RNF38: variants seen among roughly 807,000 people sequenced by gnomAD.
The protein encoded by RNF38 is E3 ubiquitin-protein ligase RNF38.
Under a neutral mutation model 67.2 loss-of-function variants are expected in RNF38, and 15 were observed. The ratio of observed to expected loss-of-function variants is 0.22; its 90% confidence interval spans 0.15 to 0.34. The LOEUF (loss-of-function observed/expected upper bound fraction) is 0.34. Among genes scored for constraint, RNF38 ranks in the 10% least tolerant of loss-of-function variants. The pLI, the probability that RNF38 is intolerant of heterozygous loss-of-function variation, is 1.00. For synonymous variants in RNF38, 220 were observed against 218.8 expected (o/e 1.01, Z -0.05); for missense variants, 524 against 639.9 (o/e 0.82, Z 1.95).
At chr9:36,437,339 A>ATAT (rs943874308) in intron 1 of RNF38, among the ~76,000 whole-genome samples, 1 of 152,226 alleles carries the variant, frequency 6.6e-6, no homozygotes, top group Non-Finnish European at 1.5e-5. Flanking sequence ...CCTAAATATA[A>ATAT]GTAAATCAAC....
At chr9:36,384,781 CA>C (rs1836477459) in intron 2 of RNF38, among the ~76,000 whole-genome samples, 2 of 152,162 alleles carry the variant, frequency 1.3e-5, no homozygotes, top group South Asian at 4.1e-4. Context: ...TGATGTTAGA[CA>C]AAAAGCAAAT....
At chr9:36,468,222 G>C (rs1839910622) in intron 1 of RNF38, among the ~76,000 whole-genome samples, 1 of 148,356 alleles carries the variant, frequency 6.7e-6, no homozygotes, top group Non-Finnish European at 1.5e-5. Context: ...AGCCTGCTGG[G>C]CAGAGCAATG....
At chr9:36,433,573 G>A (rs1354611401) in intron 1 of RNF38, among the ~76,000 whole-genome samples, 1 of 151,662 alleles carries the variant, frequency 6.6e-6, no homozygotes, top group Non-Finnish European at 1.5e-5. Context: ...TGTAATCCTA[G>A]CTACTCCAGA....
At chr9:36,458,213 T>C (rs1564070585) in intron 1 of RNF38, among the ~76,000 whole-genome samples, 1 of 152,188 alleles carries the variant, frequency 6.6e-6, no homozygotes, top group South Asian at 2.1e-4. Flanking sequence ...AGCTAAAGGA[T>C]TGTAAATGCA....
At chr9:36,348,270 G>A (rs1833443678) in intron 9 of RNF38, among the ~76,000 whole-genome samples, 1 of 151,592 alleles carries the variant, frequency 6.6e-6, no homozygotes, top group African/African-American at 2.4e-5. Context: ...ACTTGGACTA[G>A]CCTTGGATGG....
chr9:36,369,083 G>T (rs1835180421), intron 4 of RNF38, among the ~76,000 whole-genome samples: 1 of 152,076 alleles, frequency 6.6e-6, no homozygotes, highest in African/African-American at 2.4e-5. Context: ...AAGCAAAGAT[G>T]TACCCAACTG....
At chr9:36,392,006 G>T (rs1837150976) in intron 1 of RNF38, among the ~76,000 whole-genome samples, 1 of 152,200 alleles carries the variant, frequency 6.6e-6, no homozygotes, top group African/African-American at 2.4e-5. Flanking sequence ...GGCACTAGGT[G>T]CTATGGAGAA....
Position 36,336,529 on chromosome 9 carries a change from A to G in RNF38, c.*3223T>C, listed in dbSNP as rs2133260334. ...CTAGTAACTTTCATAAAAAATGTACAAACTTTGTTAAAAATTTATCAAGCC... is the reference window on the plus strand; with the variant it reads ...CTAGTAACTTTCATAAAAAATGTACGAACTTTGTTAAAAATTTATCAAGCC... On this transcript the variant is annotated 3_prime_UTR_variant, in exon 12 of 12. Coordinates refer to ENST00000259605, the MANE Select transcript of RNF38 (RefSeq NM_022781.5). The G allele has an allele frequency of 6.5e-6, 1 of 152,744 alleles. No individual in the cohort carries two copies. The highest frequency in any genetic ancestry group is 1.5e-5 in the Non-Finnish European group (1 of 68,028). The allele number at this position is 152,744 out of a possible 1,614,324, so 9.5% of individuals were successfully genotyped here. A position where few individuals can be genotyped will look rare whatever the true frequency, so the allele number is the denominator to read the frequency against.
chr9:36,487,179 G>C (rs1840435601), intron 1 of RNF38: 1 of 608,666 alleles, frequency 1.6e-6, no homozygotes, highest in Non-Finnish European at 2.1e-6. Context: ...CTCCGGGGCC[G>C]GACAAAGCTG....
intron 1 of RNF38, among the ~76,000 whole-genome samples, chr9:36,470,682 G>A (rs183359022): frequency 1.3e-5 from 2 of 152,182 alleles, no homozygotes; most frequent in East Asian, 3.9e-4. Flanking sequence ...TATTGTAGCA[G>A]GAATCTGTCA....
chr9:36,361,469 T>C (rs1012686111), intron 4 of RNF38, among the ~76,000 whole-genome samples: 16 of 152,222 alleles, frequency 1.1e-4, no homozygotes, highest in African/African-American at 1.7e-4. Context: ...GGCCAGATTG[T>C]ATAGCCATTT....
chr9:36,395,254 G>C (rs1028994852), intron 1 of RNF38, among the ~76,000 whole-genome samples: 4 of 151,810 alleles, frequency 2.6e-5, no homozygotes, highest in Non-Finnish European at 5.9e-5. Context: ...ACTAAAATTA[G>C]CACTTAGGAC....
In RNF38 at chr9:36,474,737, A is replaced by G. The variant is rs1840083708; in HGVS notation, n.241+12571T>C. Among the ~76,000 whole-genome samples, 3 of 148,574 alleles carry G rather than the reference A, an allele frequency of 2.0e-5. 1 individual carries two copies. The South Asian group carries it at 6.6e-4, about 33-fold the overall frequency. Reference sequence around the variant, plus strand: ...GAACCTTAAATAATAAGCACACAATAAGTGACCACTATTATCTAGATATTT... The same window carrying G: ...GAACCTTAAATAATAAGCACACAATGAGTGACCACTATTATCTAGATATTT... On this transcript the variant is annotated intron_variant and non_coding_transcript_variant, in intron 1 of 3. Coordinates refer to the RNF38 transcript ENST00000488058.
chr9:36,429,366 G>A lies in RNF38; in HGVS notation n.242-4683C>T, dbSNP rs544856284. Among the ~76,000 whole-genome samples the A allele has an allele frequency of 7.4e-4, 112 of 152,240 alleles. 4 individuals carry two copies. In the South Asian group the frequency reaches 0.023, roughly 31 times the overall value. On this transcript the variant is annotated intron_variant and non_coding_transcript_variant, in intron 1 of 3. Coordinates refer to the RNF38 transcript ENST00000488058. ...GAGCTTGGTCCCAGGACCCCCAGTG[G>A]ATACCAAACTCTGCAGATGCTCAAG...
upstream of RNF38, among the ~76,000 whole-genome samples, chr9:36,402,494 TAAAA>T (rs10560364): frequency 7.0e-6 from 1 of 142,998 alleles, no homozygotes; most frequent in African/African-American, 2.6e-5. Flanking sequence ...AATCTAAGCT[TAAAA>T]AAAAAAAAAA....
chr9:36,370,685 C>T lies in RNF38; in HGVS notation c.357-753G>A, dbSNP rs575960673. Among the ~76,000 whole-genome samples, 262 of 152,174 alleles carry T rather than the reference C, an allele frequency of 1.7e-3. 2 individuals are homozygous for T. The highest frequency in any genetic ancestry group is 4.7e-3 in the African/African-American group (196 of 41,514). ...CTTTGGGAAGCTGAGGCAGGTGGAT[C>T]CCTTGAGCCCAGGAGTTCGAGACCA... On this transcript the variant is annotated intron_variant, in intron 3 of 11. Transcript: ENST00000259605.
intron 1 of RNF38, among the ~76,000 whole-genome samples, chr9:36,446,071 G>T (rs1839294345): frequency 6.6e-6 from 1 of 152,150 alleles, no homozygotes; most frequent in Non-Finnish European, 1.5e-5. Flanking sequence ...CAAGCTTTGT[G>T]ATGTGCTACA....
At chr9:36,486,094 A>G (rs1229356738) in intron 1 of RNF38, among the ~76,000 whole-genome samples, 1 of 151,780 alleles carries the variant, frequency 6.6e-6, no homozygotes, top group Non-Finnish European at 1.5e-5. Flanking sequence ...CCCGCCCTTC[A>G]GCAACCCTTT....
intron 2 of RNF38, among the ~76,000 whole-genome samples, chr9:36,423,902 T>C (rs1161486049): frequency 4.1e-5 from 1 of 24,628 alleles, no homozygotes; most frequent in Non-Finnish European, 1.1e-4. Flanking sequence ...TGAGCCGAGA[T>C]TGCGCCACTG....
Sources: allele counts gnomAD v4.1 joint callset (sites outside exome capture counted in the v4.1 genomes callset), GRCh38; gene constraint gnomAD v4.1.1; transcripts MANE v1.5; gene names NCBI Gene and HGNC (gene_info 2026-07-23, HGNC 2026-07-21).